NFYC: variants seen among roughly 807,000 people sequenced by gnomAD.
NFYC encodes the protein nuclear transcription factor Y subunit gamma.
NFYC carries 25 observed loss-of-function variants against 53.1 expected under a neutral mutation model. The ratio of observed to expected loss-of-function variants is 0.47; its 90% CI spans 0.34 to 0.66. The LOEUF is 0.66. Ranked by LOEUF, NFYC falls within the 30% of genes least tolerant of loss-of-function variation. The pLI is 0.01. For synonymous variants in NFYC, 145 were observed against 152.6 expected (o/e 0.95, Z 0.37); for missense variants, 260 against 422.7 (o/e 0.62, Z 3.38).
intron 3 of NFYC, among the ~76,000 whole-genome samples, chr1:40,748,254 C>T (rs1645722962): frequency 6.6e-6 from 1 of 152,136 alleles, no homozygotes; most frequent in African/African-American, 2.4e-5. Flanking sequence ...ACCTCAGCCT[C>T]CCAAGTAGCT....
At chr1:40,745,781 C>T (rs1645577899) in intron 2 of NFYC, among the ~76,000 whole-genome samples, 1 of 152,188 alleles carries the variant, frequency 6.6e-6, no homozygotes, top group Non-Finnish European at 1.5e-5. Context: ...GGATCCCTCC[C>T]CTCCAGTATT....
Position 40,771,334 on chromosome 1 carries a change from C to T in NFYC, c.*506C>T, listed in dbSNP as rs892210600. The stretch of plus-strand genomic sequence containing the variant: ...TAGCTGCTTTTTCACTCGTGGTCCT[C>T]TCCCCATCCCTTGCTCTGACCCCAG... On this transcript the variant is annotated 3_prime_UTR_variant, in exon 10 of 10. Coordinates refer to ENST00000447388, the MANE Select transcript of NFYC (RefSeq NM_014223.5). 4.8e-6 allele frequency: 2 copies of T among 419,740 alleles called. No individual in the cohort carries two copies. The highest frequency in any genetic ancestry group is 4.9e-6 in the Non-Finnish European group (1 of 202,194). The allele number at this position is 419,740 out of a possible 1,614,324, so 26.0% of individuals were successfully genotyped here. A position where few individuals can be genotyped will look rare whatever the true frequency, so the allele number is the denominator to read the frequency against.
intron 1 of NFYC, among the ~76,000 whole-genome samples, chr1:40,697,546 T>A (rs746690850): frequency 1.3e-4 from 20 of 152,238 alleles, no homozygotes; most frequent in Admixed American, 1.3e-3. Flanking sequence ...CGATGAAAAC[T>A]TCTTCATATT....
chr1:40,759,930 A>G (rs556534855), intron 6 of NFYC, among the ~76,000 whole-genome samples: 1 of 152,254 alleles, frequency 6.6e-6, no homozygotes, highest in South Asian at 2.1e-4. Flanking sequence ...CCTAGAAGAA[A>G]AAAAAATGGA....
chr1:40,693,458 C>T (rs1642952985), intron 1 of NFYC, among the ~76,000 whole-genome samples: 1 of 152,148 alleles, frequency 6.6e-6, no homozygotes. Context: ...TGGTACTCTT[C>T]TGTTTTCATA....
At chr1:40,756,337 T>C (rs188547970) in intron 5 of NFYC, among the ~76,000 whole-genome samples, 147 of 152,358 alleles carry the variant, frequency 9.6e-4, no homozygotes, top group Middle Eastern at 6.8e-3. Flanking sequence ...AAAGGGAATC[T>C]CCTTTTCCTT....
At chr1:40,733,738 A>C (rs898986484) in intron 1 of NFYC, among the ~76,000 whole-genome samples, 1 of 150,490 alleles carries the variant, frequency 6.6e-6, no homozygotes, top group Non-Finnish European at 1.5e-5. Context: ...CCTATTTAAA[A>C]ATTTTTTTTT....
At chr1:40,744,455 G>A (rs1444008240) in intron 2 of NFYC, among the ~76,000 whole-genome samples, 2 of 152,166 alleles carry the variant, frequency 1.3e-5, no homozygotes. Context: ...TGCCTGACTG[G>A]GTAGGCCTGG....
intron 1 of NFYC, among the ~76,000 whole-genome samples, chr1:40,701,746 C>T (rs1335615952): frequency 6.6e-6 from 1 of 152,110 alleles, no homozygotes; most frequent in Non-Finnish European, 1.5e-5. Flanking sequence ...GTTTAGAATC[C>T]CCAGAGCTTA....
At chr1:40,736,739 C>G (rs753696524) in intron 1 of NFYC, among the ~76,000 whole-genome samples, 1 of 148,460 alleles carries the variant, frequency 6.7e-6, no homozygotes, top group Non-Finnish European at 1.5e-5. Flanking sequence ...CCTGACATGA[C>G]GCTCAAAGGA....
In NFYC at chr1:40,770,074, T is replaced by A. The variant is rs1303709499; in HGVS notation, c.889-635T>A. Among the ~76,000 whole-genome samples, 1 of 152,188 alleles carries A rather than the reference T, an allele frequency of 6.6e-6. No homozygotes were observed. Among genetic ancestry groups the A allele is most frequent in the East Asian group, 1.9e-4 (1 of 5,200 alleles). On this transcript the variant is annotated intron_variant, in intron 9 of 9. Coordinates refer to ENST00000447388, the MANE Select transcript of NFYC (RefSeq NM_014223.5). This position sits in a 1 kb window ranked among gnomAD's most constrained non-coding sequence, Gnocchi z 5.3. ...ACATGCCAGGGCTCCCATGAGGGCT[T>A]GGCTTTTGGCTTCTTTGGGGAGCGC...
chr1:40,749,961 C>T (rs1180542506), intron 4 of NFYC, among the ~76,000 whole-genome samples: 1 of 152,178 alleles, frequency 6.6e-6, no homozygotes, highest in Middle Eastern at 3.2e-3. Flanking sequence ...AGTGACTGAA[C>T]TCTTTTCCCT....
At chr1:40,763,809 A>G (rs1022612354) in intron 7 of NFYC, among the ~76,000 whole-genome samples, 1 of 152,126 alleles carries the variant, frequency 6.6e-6, no homozygotes, top group African/African-American at 2.4e-5. Flanking sequence ...ATTTCCCCTC[A>G]TTCTACCTAT....
At chr1:40,764,569 T>C (rs1557930013) in intron 7 of NFYC, among the ~76,000 whole-genome samples, 1 of 152,220 alleles carries the variant, frequency 6.6e-6, no homozygotes, top group Non-Finnish European at 1.5e-5. Context: ...GCAGATACTT[T>C]AACTCTCTGG....
intron 1 of NFYC, 198 bp downstream of exon 1, chr1:40,692,065 G>A (rs1570244704): frequency 4.9e-6 from 1 of 203,646 alleles, no homozygotes; most frequent in Non-Finnish European, 1.1e-5. Context: ...TGGGGTCCGT[G>A]TGCCTCGTCG....
At chr1:40,746,685 T>G (rs1036089169) in intron 2 of NFYC, among the ~76,000 whole-genome samples, 9 of 152,170 alleles carry the variant, frequency 5.9e-5, no homozygotes, top group African/African-American at 2.2e-4. Context: ...AAAATTGATT[T>G]TTTTCCTAGA....
chr1:40,737,263 T>C (rs1468325984), intron 1 of NFYC, among the ~76,000 whole-genome samples: 1 of 151,924 alleles, frequency 6.6e-6, no homozygotes, highest in African/African-American at 2.4e-5. Context: ...TCATCTTCCC[T>C]CCTTTGTCAC....
intron 1 of NFYC, among the ~76,000 whole-genome samples, chr1:40,721,014 A>G (rs973153674): frequency 1.3e-5 from 2 of 152,068 alleles, no homozygotes; most frequent in Non-Finnish European, 2.9e-5. Flanking sequence ...CAAACGGGGG[A>G]AAAAATAGGA....
intron 1 of NFYC, among the ~76,000 whole-genome samples, chr1:40,733,691 C>T (rs905090103): frequency 6.6e-6 from 1 of 151,176 alleles, no homozygotes; most frequent in Non-Finnish European, 1.5e-5. Context: ...GCCTCAGCCT[C>T]CTGAGTAGCT....
Sources: allele counts gnomAD v4.1 joint callset (sites outside exome capture counted in the v4.1 genomes callset), GRCh38; gene constraint gnomAD v4.1.1; non-coding constraint Gnocchi (gnomAD v3.1); transcripts MANE v1.5; gene names NCBI Gene and HGNC (gene_info 2026-07-23, HGNC 2026-07-21).